Variants in GLIS3 observed in about 807,000 individuals in gnomAD.
GLIS3 encodes GLIS family zinc finger 3, also known as zinc finger protein GLIS3.
In GLIS3, 53 loss-of-function variants were observed where a neutral mutation model predicts 78.6. The ratio of observed to expected loss-of-function variants is 0.67; its 90% CI spans 0.54 to 0.85. The LOEUF (loss-of-function observed/expected upper bound fraction) is 0.85, where lower values mean the gene tolerates loss of function less well. Among genes scored for constraint, GLIS3 ranks in the 40% least tolerant of loss-of-function variants. GLIS3 has a pLI of 0.00. For synonymous variants in GLIS3, 684 were observed against 509.9 expected, an observed-to-expected ratio of 1.34 and a Z score of -4.60; for missense variants, 1,703 against 1,231.1, an observed-to-expected ratio of 1.38 and a Z score of -5.74.
chr9:3,963,652 G>T (rs965809156), intron 4 of GLIS3, among the ~76,000 whole-genome samples: 4 of 152,052 alleles, frequency 2.6e-5, no homozygotes, highest in African/African-American at 9.7e-5. Context: ...CTCAAAGCAG[G>T]GAGGTCATTT....
intron 4 of GLIS3, among the ~76,000 whole-genome samples, chr9:3,962,219 C>CA (rs570317956): frequency 0.01 from 1,502 of 147,800 alleles, 29 homozygotes; most frequent in African/African-American, 0.035. Context: ...GGCCTTGTTT[C>CA]AAAAAAAAAG....
intron 4 of GLIS3, among the ~76,000 whole-genome samples, chr9:3,957,302 T>G (rs1588312190): frequency 6.6e-6 from 1 of 152,232 alleles, no homozygotes; most frequent in Non-Finnish European, 1.5e-5. Flanking sequence ...GAATAACACT[T>G]CCCCAGTTTG....
chr9:3,831,045 A>G (rs1588044470), intron 9 of GLIS3, among the ~76,000 whole-genome samples: 1 of 152,330 alleles, frequency 6.6e-6, no homozygotes, highest in East Asian at 1.9e-4. Context: ...CTATCATCCA[A>G]GATAGATCAA....
chr9:4,075,411 C>CA (rs59194808), intron 4 of GLIS3, among the ~76,000 whole-genome samples: 1,259 of 118,148 alleles, frequency 0.011, 37 homozygotes, highest in African/African-American at 0.029. Context: ...ACTAAAAATA[C>CA]AAAAAAAAAA....
rs143379454 is a variant in GLIS3 at position 4,265,589 on chromosome 9, C to A, written c.388+20449G>T. Among the ~76,000 whole-genome samples the A allele has an allele frequency of 9.6e-3, 1,468 of 152,224 alleles. 25 individuals carry two copies. Among genetic ancestry groups the A allele is most frequent in the South Asian group, 0.056 (268 of 4,822 alleles). ...AATGCTTCCATTCTACCTCCTAAAA[C>A]AAAAATGTTGTCACCTGTGTTGCCT... is the stretch of plus-strand genomic sequence containing the variant. On this transcript the variant is annotated intron_variant, in intron 2 of 10. Transcript: ENST00000381971.
At chr9:4,370,333 G>A in the GLIS3 span, among the ~76,000 whole-genome samples, 1 of 152,122 alleles carries the variant, frequency 6.6e-6, no homozygotes, top group Non-Finnish European at 1.5e-5. Context: ...GACTCCTCCA[G>A]GACAGCAGCC....
rs1825791358 is a variant in GLIS3 at position 4,052,148 on chromosome 9, GCCTT to G, written c.1710+65616_1710+65619del. Among the ~76,000 whole-genome samples, 5 of 152,264 alleles carry G rather than the reference GCCTT, an allele frequency of 3.3e-5. No homozygotes were observed. The South Asian group carries it at 1.0e-3, about 32-fold the overall frequency. ...GTTATATTTTGGTAAGTCCATGAAA[GCCTT>G]CTTTCAGAGGGAGTGGCCTAAATAA... On this transcript the variant is annotated intron_variant, in intron 4 of 10. Transcript: ENST00000381971.
rs551420332 is a variant in GLIS3, at chr9:3,960,225, G to T, written c.1711-23036C>A. Reference sequence around the variant, plus strand: ...AGGGAGAACACTGTGTAAATATGAAGATGGCCATCTATAAGCTAAAGAGAG... The same window carrying T: ...AGGGAGAACACTGTGTAAATATGAATATGGCCATCTATAAGCTAAAGAGAG... On this transcript the variant is annotated intron_variant, in intron 4 of 10. Coordinates refer to ENST00000381971, the MANE Select transcript of GLIS3 (RefSeq NM_001042413.2). 7.2e-5 allele frequency among the ~76,000 whole-genome samples: 11 copies of T among 152,242 alleles called. No individual in the cohort carries two copies. In the East Asian group the frequency reaches 2.1e-3, roughly 29 times the overall value.
At chr9:3,948,598 C>G (rs768299590) in intron 4 of GLIS3, among the ~76,000 whole-genome samples, 1 of 152,096 alleles carries the variant, frequency 6.6e-6, no homozygotes, top group Non-Finnish European at 1.5e-5. Flanking sequence ...CTCAAGTGAT[C>G]CCAGGAATAA....
intron 2 of GLIS3, among the ~76,000 whole-genome samples, chr9:4,321,717 A>AGTTTT (rs138540257): frequency 0.13 from 19,404 of 150,696 alleles, 2,955 homozygotes; most frequent in African/African-American, 0.37. Context: ...TTTTATTGGC[A>AGTTTT]GTTTTGTTTT....
At chr9:4,395,397 G>A in the GLIS3 span, among the ~76,000 whole-genome samples, 10 of 152,096 alleles carry the variant, frequency 6.6e-5, no homozygotes, top group Admixed American at 2.6e-4. Context: ...TAGTGTGAAC[G>A]TTTGATCCTT....
At chr9:4,022,411 GT>G (rs1315121185) in intron 4 of GLIS3, among the ~76,000 whole-genome samples, 1 of 152,118 alleles carries the variant, frequency 6.6e-6, no homozygotes, top group Admixed American at 6.5e-5. Flanking sequence ...TCCTTATCCA[GT>G]CCCCAACCTG....
chr9:4,091,408 T>C (rs561246890), intron 4 of GLIS3, among the ~76,000 whole-genome samples: 78 of 152,044 alleles, frequency 5.1e-4, no homozygotes, highest in Non-Finnish European at 9.3e-4. Context: ...GTTTGTAAGA[T>C]TGGTACACGG....
intron 2 of GLIS3, among the ~76,000 whole-genome samples, chr9:4,333,832 T>C (rs1407533888): frequency 6.7e-6 from 1 of 148,210 alleles, no homozygotes; most frequent in Non-Finnish European, 1.5e-5. Context: ...AATTATATTA[T>C]CATAAAGCTC....
At chr9:4,083,736 G>A (rs1426699252) in intron 4 of GLIS3, among the ~76,000 whole-genome samples, 1 of 152,080 alleles carries the variant, frequency 6.6e-6, no homozygotes, top group South Asian at 2.1e-4. Context: ...AAAAACACAA[G>A]AAAAAATCCA....
intron 2 of GLIS3, among the ~76,000 whole-genome samples, chr9:4,186,195 G>C (rs1817776074): frequency 7.8e-6 from 1 of 127,418 alleles, no homozygotes; most frequent in Middle Eastern, 5.2e-3. Context: ...TCCCCTTCCT[G>C]TGTCCACGTG....
intron 7 of GLIS3, among the ~76,000 whole-genome samples, chr9:3,886,665 T>G (rs1243350566): frequency 6.6e-6 from 1 of 152,212 alleles, no homozygotes; most frequent in Non-Finnish European, 1.5e-5. Context: ...TGGCCCCCAA[T>G]AGTGAAAATA....
the GLIS3 span, among the ~76,000 whole-genome samples, chr9:4,363,254 C>T: frequency 0.024 from 3,688 of 152,232 alleles, 161 homozygotes; most frequent in African/African-American, 0.085. Context: ...AAAACCCCGT[C>T]TCTACTAAAA....
chr9:4,263,408 G>A (rs1825706633), intron 2 of GLIS3, among the ~76,000 whole-genome samples: 2 of 152,050 alleles, frequency 1.3e-5, no homozygotes, highest in South Asian at 4.1e-4. Context: ...GACTAACAGA[G>A]AAAGAAGATG....
Sources: allele counts gnomAD v4.1 joint callset (sites outside exome capture counted in the v4.1 genomes callset), GRCh38; gene constraint gnomAD v4.1.1; transcripts MANE v1.5; gene names NCBI Gene and HGNC (gene_info 2026-07-23, HGNC 2026-07-21).